ATF2: variants seen among roughly 807,000 people sequenced by gnomAD.
ATF2 encodes activating transcription factor 2.
Under a neutral mutation model 60.6 loss-of-function variants are expected in ATF2, and 24 were observed. That is an observed-to-expected ratio of 0.40 (90% CI 0.29 to 0.56). The LOEUF (loss-of-function observed/expected upper bound fraction) is 0.56, where lower values mean the gene tolerates loss of function less well. Among genes scored for constraint, ATF2 ranks in the 20% least tolerant of loss-of-function variants. ATF2 has a pLI of 0.54. For synonymous variants in ATF2, 206 were observed against 215.4 expected (o/e 0.96, Z 0.38); for missense variants, 433 against 607.7 (o/e 0.71, Z 3.02).
chr2:175,144,082 C>A (rs1698777359), intron 2 of ATF2, among the ~76,000 whole-genome samples: 1 of 152,098 alleles, frequency 6.6e-6, no homozygotes, highest in South Asian at 2.1e-4. Flanking sequence ...GCATGAGGCA[C>A]TGCACCTGAT....
intron 12 of ATF2, among the ~76,000 whole-genome samples, chr2:175,082,454 T>C (rs916139183): frequency 2.0e-5 from 3 of 152,174 alleles, no homozygotes; most frequent in African/African-American, 7.2e-5. Context: ...GATGAAACCA[T>C]GTTATGAATA....
At chr2:175,103,588 C>T (rs1574370265) in intron 10 of ATF2, among the ~76,000 whole-genome samples, 1 of 151,788 alleles carries the variant, frequency 6.6e-6, no homozygotes, top group East Asian at 1.9e-4. Context: ...GCCAAGATGC[C>T]CTCTGTCAGC....
chr2:175,108,937 G>A (rs1357325924), intron 10 of ATF2, among the ~76,000 whole-genome samples: 1 of 152,102 alleles, frequency 6.6e-6, no homozygotes, highest in Admixed American at 6.5e-5. Context: ...TAAGGGCGGT[G>A]CAAGATGTGC....
chr2:175,104,534 G>A (rs555793707), intron 10 of ATF2, among the ~76,000 whole-genome samples: 91 of 152,238 alleles, frequency 6.0e-4, no homozygotes, highest in African/African-American at 2.1e-3. Flanking sequence ...TGAATCTAGG[G>A]AATGTGAGCT....
At chr2:175,137,908 C>T (rs533575643) in intron 2 of ATF2, among the ~76,000 whole-genome samples, 1 of 152,254 alleles carries the variant, frequency 6.6e-6, no homozygotes, top group Admixed American at 6.5e-5. Flanking sequence ...GATAACAATT[C>T]TGGGAGGCTT....
intron 2 of ATF2, among the ~76,000 whole-genome samples, chr2:175,139,153 T>G (rs568515136): frequency 7.2e-5 from 11 of 152,226 alleles, no homozygotes; most frequent in Non-Finnish European, 1.5e-4. Context: ...GTTATTAAAA[T>G]TATAAGGCTG....
rs1230774115 is a variant in ATF2 at position 175,079,150 on chromosome 2, A to G, written c.1291+1510T>C. 2.0e-5 allele frequency among the ~76,000 whole-genome samples: 3 copies of G among 152,160 alleles called. No individual in the cohort carries two copies. The East Asian group carries it at 5.8e-4, about 29-fold the overall frequency. ...CTTGTAAATCAATTGTCAAATGAATAACTGGTTTGCATCTGCTGAGCATAC... is the reference window on the plus strand; with the variant it reads ...CTTGTAAATCAATTGTCAAATGAATGACTGGTTTGCATCTGCTGAGCATAC... On this transcript the variant is annotated intron_variant, in intron 13 of 13. Coordinates refer to ENST00000264110, the MANE Select transcript of ATF2 (RefSeq NM_001880.4).
chr2:175,142,058 G>C (rs1698582016), intron 2 of ATF2, among the ~76,000 whole-genome samples: 1 of 151,986 alleles, frequency 6.6e-6, no homozygotes, highest in African/African-American at 2.4e-5. Flanking sequence ...AAAATATATT[G>C]AGGTAATAGG....
chr2:175,162,950 G>A (rs905421177), intron 1 of ATF2, among the ~76,000 whole-genome samples: 4 of 151,942 alleles, frequency 2.6e-5, no homozygotes, highest in Admixed American at 6.6e-5. Flanking sequence ...TAGCTAACAC[G>A]GTGAAACCCC....
chr2:175,097,522 G>T lies in ATF2; in HGVS notation c.900C>A (p.Ser300Arg), dbSNP rs372528750. ...CCTCTGACTGAGTCCTAACCAATCC[G>T]CTACCATGACCTTTGACAGTATCAC... ...TNGDTVKGHG[S>R]GLVRTQSEES... is the part of the protein sequence containing the mutation. The change falls in exon 11 of 14, where the codon AGC becomes AGA. Residue 300 changes from serine (S) to arginine (R), a missense_variant. Ser to Arg is a moderately radical substitution (Grantham distance 110, BLOSUM62 -1). This residue lies in a region of ATF2 where 246 missense variants were observed against 309.3 expected (regional missense o/e 0.80). Transcript: ENST00000264110. 1.1e-5 allele frequency: 17 copies of T among 1,613,976 alleles called. No homozygotes were observed. Among genetic ancestry groups the T allele is most frequent in the Admixed American group, 3.3e-5 (2 of 59,992 alleles).
At chr2:175,131,668 T>C (rs1697739052) in intron 3 of ATF2, among the ~76,000 whole-genome samples, 1 of 152,218 alleles carries the variant, frequency 6.6e-6, no homozygotes, top group Non-Finnish European at 1.5e-5. Flanking sequence ...GGAATACTGA[T>C]ATATAAATTT....
At chr2:175,127,418 G>A (rs1263137143) in intron 4 of ATF2, among the ~76,000 whole-genome samples, 1 of 151,866 alleles carries the variant, frequency 6.6e-6, no homozygotes, top group Non-Finnish European at 1.5e-5. Context: ...TGTCAAATTA[G>A]CCTATTTCTC....
At chr2:175,094,420 A>G (rs1470351544) in intron 11 of ATF2, among the ~76,000 whole-genome samples, 1 of 149,490 alleles carries the variant, frequency 6.7e-6, no homozygotes, top group Admixed American at 6.7e-5. Flanking sequence ...AAAAAAAAAA[A>G]AAAAAAAAAG....
At chr2:175,133,651 A>G (rs552364077) in intron 3 of ATF2, among the ~76,000 whole-genome samples, 60 of 152,208 alleles carry the variant, frequency 3.9e-4, no homozygotes, top group Non-Finnish European at 7.5e-4. Flanking sequence ...CATAACTTTA[A>G]AAAATGCCCC....
At chr2:175,120,497 T>C (rs1696881272) in intron 5 of ATF2, among the ~76,000 whole-genome samples, 1 of 151,666 alleles carries the variant, frequency 6.6e-6, no homozygotes, top group South Asian at 2.1e-4. Context: ...CACCGAATAT[T>C]TGCTTTATTA....
chr2:175,136,023 T>G (rs79882270), intron 3 of ATF2, among the ~76,000 whole-genome samples: 8,383 of 150,514 alleles, frequency 0.056, 264 homozygotes, highest in East Asian at 0.12. Flanking sequence ...TTGTTTTTTT[T>G]TTTTTTTTTT....
At chr2:175,080,863 G>T (rs1053772336) in intron 12 of ATF2, 98 bp from the exon 13 acceptor site, 38 of 880,132 alleles carry the variant, frequency 4.3e-5, no homozygotes, top group Non-Finnish European at 6.3e-5. Context: ...GACATCACTG[G>T]CAGAACATTA....
intron 10 of ATF2, among the ~76,000 whole-genome samples, chr2:175,102,203 G>GT (rs1695359258): frequency 6.6e-6 from 1 of 152,152 alleles, no homozygotes; most frequent in Non-Finnish European, 1.5e-5. Flanking sequence ...CCAAAAAACT[G>GT]AAGTTACTTC....
intron 9 of ATF2, 102 bp from the exon 10 acceptor site, chr2:175,111,756 A>G: frequency 4.0e-6 from 4 of 1,001,094 alleles, no homozygotes; most frequent in Non-Finnish European, 5.9e-6. Context: ...GAATCAGAAC[A>G]TTGTAAATTT....
Sources: allele counts gnomAD v4.1 joint callset (sites outside exome capture counted in the v4.1 genomes callset), GRCh38; gene constraint gnomAD v4.1.1; regional missense constraint gnomAD v4.1.1; transcripts MANE v1.5; gene names NCBI Gene and HGNC (gene_info 2026-07-23, HGNC 2026-07-21).